Variants in DHRS12 observed in about 807,000 individuals in gnomAD.
DHRS12 encodes the protein dehydrogenase/reductase 12, also known as dehydrogenase/reductase SDR family member 12.
Under a neutral mutation model 32.1 loss-of-function variants are expected in DHRS12, and 29 were observed. That is an observed-to-expected ratio of 0.90 (90% confidence interval 0.67 to 1.23). DHRS12 has a LOEUF of 1.23. Among genes scored for constraint, DHRS12 ranks in the 50% most tolerant of loss-of-function variants. The probability of loss-of-function intolerance (pLI) is 0.00; values close to 1 mark genes in which losing one functional copy is unlikely to be tolerated. For missense variants in DHRS12, 330 were observed against 337.2 expected (o/e 0.98, Z 0.17); for synonymous variants, 150 against 135.9 (o/e 1.10, Z -0.72).
At chr13:51,786,081 G>A (rs1300300871) in intron 4 of DHRS12, among the ~76,000 whole-genome samples, 4 of 152,212 alleles carry the variant, frequency 2.6e-5, no homozygotes, top group Non-Finnish European at 4.4e-5. Flanking sequence ...GGATGTGCCC[G>A]AGGAGGGTGC....
intron 2 of DHRS12, 32 bp downstream of exon 2, chr13:51,799,502 C>A (rs752053818): frequency 6.2e-7 from 1 of 1,611,054 alleles, no homozygotes; most frequent in East Asian, 2.2e-5. Flanking sequence ...GGCCGTGGGG[C>A]TCAGTGGACA....
chr13:51,792,151 T>C (rs1400291097), intron 2 of DHRS12, among the ~76,000 whole-genome samples: 1 of 152,246 alleles, frequency 6.6e-6, no homozygotes, highest in Non-Finnish European at 1.5e-5. Context: ...TAGCTCTATT[T>C]TGAATTTTTT....
chr13:51,755,434 A>T, the DHRS12 span: 22 of 1,614,218 alleles, frequency 1.4e-5, 1 homozygote, highest in South Asian at 2.4e-4. Context: ...CAAATGTGGG[A>T]CAGTAAGAAA....
At chr13:51,796,488 C>G (rs1260760886) in intron 2 of DHRS12, among the ~76,000 whole-genome samples, 1 of 152,224 alleles carries the variant, frequency 6.6e-6, no homozygotes, top group African/African-American at 2.4e-5. Flanking sequence ...GGCTTGCTTT[C>G]TCCCCAGTGC....
chr13:51,777,618 T>C (rs1954499798), intron 4 of DHRS12, among the ~76,000 whole-genome samples: 2 of 152,226 alleles, frequency 1.3e-5, no homozygotes, highest in African/African-American at 4.8e-5. Context: ...GAAATATACA[T>C]ATAACATTTC....
chr13:51,768,712 T>C lies in DHRS12; in HGVS notation c.698-416A>G, dbSNP rs78557737. 9,873 of 1,127,536 alleles carry C rather than the reference T, an allele frequency of 8.8e-3. 42 individuals are homozygous for C. The highest frequency in any genetic ancestry group is 1.0e-2 in the Non-Finnish European group (9,178 of 918,786). The allele number at this position is 1,127,536 out of a possible 1,614,324, so 69.8% of individuals were successfully genotyped here. On this transcript the variant is annotated intron_variant, in intron 8 of 8. Coordinates refer to ENST00000444610, the MANE Select transcript of DHRS12 (RefSeq NM_001377533.1). The stretch of plus-strand genomic sequence containing the variant: ...TTCGGATGGCGTCCACTCACACGCC[T>C]GCCCCCTTAGGAGCCCACTGGGGAG...
In DHRS12 at chr13:51,768,024, T is replaced by C. The variant is rs555725154; in HGVS notation, c.*163A>G. ...GTGAGCCTGATCACAGCCTCGGTAG[T>C]ATTTATTTTGAAATAAAAGTTCCCA... On this transcript the variant is annotated 3_prime_UTR_variant, in exon 9 of 9. Transcript: ENST00000444610. The C allele has an allele frequency of 1.4e-6, 2 of 1,429,154 alleles. No homozygotes were observed. The highest frequency in any genetic ancestry group is 1.4e-5 in the African/African-American group (1 of 69,678). 88.5% of individuals were successfully genotyped at this position (1,429,154 alleles called of 1,614,324 possible).
intron 4 of DHRS12, among the ~76,000 whole-genome samples, chr13:51,785,573 G>A (rs571225022): frequency 1.3e-5 from 2 of 152,260 alleles, no homozygotes; most frequent in South Asian, 4.1e-4. Flanking sequence ...CGCACACCTG[G>A]GCCTCTGCCA....
chr13:51,794,824 T>C (rs548606875), intron 2 of DHRS12, among the ~76,000 whole-genome samples: 1 of 151,124 alleles, frequency 6.6e-6, no homozygotes, highest in African/African-American at 2.4e-5. Context: ...CCCATGGAGA[T>C]AACTGCTAGA....
At chr13:51,773,529 T>C (rs1464273492) in intron 6 of DHRS12, among the ~76,000 whole-genome samples, 1 of 152,080 alleles carries the variant, frequency 6.6e-6, no homozygotes, top group Non-Finnish European at 1.5e-5. Context: ...CTGTGGCCCC[T>C]TCCCTCCCTC....
At chr13:51,770,147 TAAAC>T (rs1235698944) in intron 7 of DHRS12, among the ~76,000 whole-genome samples, 1 of 152,346 alleles carries the variant, frequency 6.6e-6, no homozygotes, top group African/African-American at 2.4e-5. Context: ...AAATTAAAAA[TAAAC>T]ATCTTTTTTT....
At chr13:51,755,433 G>A in the DHRS12 span, 1 of 1,614,168 alleles carries the variant, frequency 6.2e-7, no homozygotes, top group South Asian at 1.1e-5. Flanking sequence ...GCAAATGTGG[G>A]ACAGTAAGAA....
At chr13:51,789,144 G>A (rs1049955765) in intron 4 of DHRS12, among the ~76,000 whole-genome samples, 8 of 152,140 alleles carry the variant, frequency 5.3e-5, no homozygotes, top group African/African-American at 1.9e-4. Context: ...TGGGAATAGG[G>A]TTGCTATATA....
At chr13:51,756,354 A>G in the DHRS12 span, 7 of 1,613,846 alleles carry the variant, frequency 4.3e-6, no homozygotes, top group Non-Finnish European at 5.9e-6. Context: ...AAGTGTGGGA[A>G]GGCCGTCTGT....
At position 51,774,405 on chromosome 13, in the gene DHRS12, T is replaced by TCTC. The variant is rs10670890; in HGVS notation, c.364-372_364-371insGAG. 2.0e-3 allele frequency: 224 copies of TCTC among 110,684 alleles called. 3 individuals are homozygous for TCTC. The highest frequency in any genetic ancestry group is 3.8e-3 in the African/African-American group (82 of 21,332). 6.9% of individuals were successfully genotyped at this position (110,684 alleles called of 1,614,324 possible). A position where few individuals can be genotyped will look rare whatever the true frequency, so the allele number is the denominator to read the frequency against. On this transcript the variant is annotated intron_variant, in intron 5 of 8. Coordinates refer to ENST00000444610, the MANE Select transcript of DHRS12 (RefSeq NM_001377533.1). ...TTCTACAGTATTCTCCTACATGTATTCTACAGTATTCTCCTACAGTATTCT... is the reference window on the plus strand; with the variant it reads ...TTCTACAGTATTCTCCTACATGTATTCTCCTACAGTATTCTCCTACAGTATTCT...
At chr13:51,792,677 G>C (rs1955330330) in intron 2 of DHRS12, among the ~76,000 whole-genome samples, 1 of 152,030 alleles carries the variant, frequency 6.6e-6, no homozygotes, top group African/African-American at 2.4e-5. Flanking sequence ...TGGGATTACG[G>C]GCATGAGCCA....
chr13:51,800,884 C>T (rs1401750926), intron 1 of DHRS12, among the ~76,000 whole-genome samples: 2 of 152,188 alleles, frequency 1.3e-5, no homozygotes, highest in Middle Eastern at 3.2e-3. Context: ...TAGAGAACAC[C>T]CTACCCATTG....
chr13:51,768,352 C>A, intron 8 of DHRS12, 56 bp from the exon 9 acceptor site: 3 of 1,533,494 alleles, frequency 2.0e-6, no homozygotes. Flanking sequence ...TGGCTGGGTC[C>A]ATGTCCCTGT....
intron 4 of DHRS12, among the ~76,000 whole-genome samples, chr13:51,789,219 A>C (rs1955145194): frequency 6.6e-6 from 1 of 152,230 alleles, no homozygotes; most frequent in African/African-American, 2.4e-5. Flanking sequence ...GACCTAGAAC[A>C]ATACTTAATT....
Sources: gnomAD v4.1 joint callset for allele counts (sites outside exome capture counted in the v4.1 genomes callset) on GRCh38, gnomAD v4.1.1 for gene constraint, MANE v1.5 for transcripts, NCBI Gene and HGNC (gene_info 2026-07-23, HGNC 2026-07-21) for gene names.